ANKRD12: variants seen among roughly 807,000 people sequenced by gnomAD.
ANKRD12 encodes ankyrin repeat domain-containing protein 12.
In ANKRD12, 85 loss-of-function variants were observed where a neutral mutation model predicts 183.4. That is an observed-to-expected ratio of 0.46 (90% CI 0.39 to 0.56). The LOEUF (loss-of-function observed/expected upper bound fraction) is 0.56, where lower values mean the gene tolerates loss of function less well. Among genes scored for constraint, ANKRD12 ranks in the 20% least tolerant of loss-of-function variants. The pLI is 0.00. For synonymous variants in ANKRD12, 914 were observed against 800.2 expected (o/e 1.14, Z -2.40); for missense variants, 2,405 against 2,357.1 (o/e 1.02, Z -0.42).
At chr18:9,232,998 C>T (rs1267878487) in intron 8 of ANKRD12, among the ~76,000 whole-genome samples, 1 of 151,868 alleles carries the variant, frequency 6.6e-6, no homozygotes, top group Non-Finnish European at 1.5e-5. Flanking sequence ...TACTGGTGTG[C>T]ACCACCACGC....
At chr18:9,277,321 CTTTTTT>C (rs773999861) in intron 11 of ANKRD12, among the ~76,000 whole-genome samples, 8 of 84,652 alleles carry the variant, frequency 9.5e-5, no homozygotes, top group Admixed American at 1.4e-4. Flanking sequence ...CACCCTGTTT[CTTTTTT>C]TTTTTTTTTT....
At chr18:9,220,243 T>C (rs2036346617) in intron 7 of ANKRD12, among the ~76,000 whole-genome samples, 1 of 152,240 alleles carries the variant, frequency 6.6e-6, no homozygotes, top group Non-Finnish European at 1.5e-5. Context: ...CATTTAAGTA[T>C]TTTTTAAGGT....
At position 9,194,327 on chromosome 18, in the gene ANKRD12, TTTTATTTATTTATTTA is replaced by T. The variant is rs139857271; in HGVS notation, c.88-1193_88-1178del. Among the ~76,000 whole-genome samples the T allele has an allele frequency of 1.7e-3, 252 of 144,620 alleles. 2 individuals are homozygous for T. Among genetic ancestry groups the T allele is most frequent in the Admixed American group, 2.1e-3 (30 of 14,442 alleles). 94.9% of individuals were successfully genotyped at this position (144,620 alleles called of 152,430 possible). A position where few individuals can be genotyped will look rare whatever the true frequency, so the allele number is the denominator to read the frequency against. ...ATTTGAGAACTACTGATATAGATAA[TTTTATTTATTTATTTA>T]TTTATTTATTTATTTATTTATTTAT... is the stretch of plus-strand genomic sequence containing the variant. On this transcript the variant is annotated intron_variant, in intron 2 of 12. Transcript: ENST00000262126.
At chr18:9,266,284 T>C (rs183720480) in intron 10 of ANKRD12, among the ~76,000 whole-genome samples, 1,992 of 152,230 alleles carry the variant, frequency 0.013, 57 homozygotes, top group Admixed American at 0.065. Flanking sequence ...AGATACTCCT[T>C]GAGAAGAGCA....
rs951683801 is a variant in ANKRD12 at position 9,284,074 on chromosome 18, C to G, written c.*2948C>G. On this transcript the variant is annotated 3_prime_UTR_variant, in exon 13 of 13. Transcript: ENST00000262126. ...TATTAAGTGTGCAATAGCATTATGTCTAAAAATATGTACATAAGTTTAAAA... is the reference window on the plus strand; with the variant it reads ...TATTAAGTGTGCAATAGCATTATGTGTAAAAATATGTACATAAGTTTAAAA... 4 of 152,094 alleles carry G rather than the reference C, an allele frequency of 2.6e-5. No individual in the cohort carries two copies. The highest frequency in any genetic ancestry group is 9.7e-5 in the African/African-American group (4 of 41,394). 9.4% of individuals were successfully genotyped at this position (152,094 alleles called of 1,614,324 possible).
intron 1 of ANKRD12, among the ~76,000 whole-genome samples, chr18:9,146,428 A>G (rs765348259): frequency 1.1e-4 from 16 of 152,268 alleles, no homozygotes; most frequent in Non-Finnish European, 1.6e-4. Context: ...CACACCTGCA[A>G]TCCCATCACT....
At chr18:9,227,044 A>G (rs2036758712) in intron 8 of ANKRD12, among the ~76,000 whole-genome samples, 1 of 152,214 alleles carries the variant, frequency 6.6e-6, no homozygotes, top group Non-Finnish European at 1.5e-5. Context: ...TTGGTGTCAT[A>G]TCAGTGTAAA....
chr18:9,145,443 C>G (rs1187354196), intron 1 of ANKRD12, among the ~76,000 whole-genome samples: 1 of 152,200 alleles, frequency 6.6e-6, no homozygotes. Context: ...AATTCACACT[C>G]AGGAAACAAA....
rs773508611 is a variant in ANKRD12 at position 9,211,682 on chromosome 18, C to T, written c.550C>T (p.Arg184Cys). The change falls in exon 6 of 13, where the codon CGT (arginine) becomes TGT (cysteine). Residue 184 changes from arginine to cysteine, a missense_variant. Around this residue, in one of 7 missense-constraint regions of ANKRD12, gnomAD observed 39 missense variants for 104.8 expected, o/e 0.37. Transcript: ENST00000262126. ...QKDKVNKRNE[R>C]GETPLHMAAI... is the part of the protein sequence containing the mutation. ...AGATAAAGTTAATAAAAGAAATGAA[C>T]GTGGTGAAACTCCTTTACACATGGC... The T allele has an allele frequency of 4.3e-6, 7 of 1,613,678 alleles. No individual in the cohort carries two copies. The East Asian group carries it at 6.7e-5, about 15-fold the overall frequency.
chr18:9,255,969 A>T lies in ANKRD12; in HGVS notation c.2702A>T (p.Glu901Val). 1 of 1,573,510 alleles carries T rather than the reference A, an allele frequency of 6.4e-7. No homozygotes were observed. The highest frequency in any genetic ancestry group is 8.6e-7 in the Non-Finnish European group (1 of 1,168,362). Residue 901 changes from glutamate to valine, a missense_variant, in exon 9 of 13, where the codon GAG (glutamate) becomes GTG (valine). Around this residue, in one of 7 missense-constraint regions of ANKRD12, gnomAD observed 1,983 missense variants for 1,725.9 expected, o/e 1.15. Coordinates refer to ENST00000262126, the MANE Select transcript of ANKRD12 (RefSeq NM_015208.5). ...TAAIKKTDDR[E>V]KSREKMDRKH... ...GCTATTAAAAAAACTGACGACAGAGAGAAAAGTAGAGAAAAGATGGATAGG... is the reference window on the plus strand; with the variant it reads ...GCTATTAAAAAAACTGACGACAGAGTGAAAAGTAGAGAAAAGATGGATAGG...
At chr18:9,213,852 A>G (rs763299633) in intron 6 of ANKRD12, among the ~76,000 whole-genome samples, 2 of 151,934 alleles carry the variant, frequency 1.3e-5, no homozygotes, top group Non-Finnish European at 2.9e-5. Context: ...AAAGCCCTTA[A>G]GACATCAGGA....
At chr18:9,221,766 A>G in intron 7 of ANKRD12, 86 bp from the exon 8 acceptor site, 1 of 1,331,672 alleles carries the variant, frequency 7.5e-7, no homozygotes, top group Non-Finnish European at 1.0e-6. Flanking sequence ...AACACTCAGA[A>G]GGATACTATG....
intron 1 of ANKRD12, among the ~76,000 whole-genome samples, chr18:9,170,640 G>T (rs918284072): frequency 6.6e-6 from 1 of 151,822 alleles, no homozygotes; most frequent in Non-Finnish European, 1.5e-5. Context: ...TAACTTCTTT[G>T]CCATTGGTTT....
intron 8 of ANKRD12, among the ~76,000 whole-genome samples, chr18:9,230,498 G>T (rs898822522): frequency 2.0e-5 from 3 of 151,984 alleles, no homozygotes; most frequent in African/African-American, 7.2e-5. Flanking sequence ...CTGCTAGCAT[G>T]AGGTTTAGTT....
intron 4 of ANKRD12, among the ~76,000 whole-genome samples, chr18:9,206,860 A>C (rs1177975553): frequency 1.3e-5 from 2 of 151,486 alleles, no homozygotes; most frequent in Non-Finnish European, 3.0e-5. Context: ...TCAAAACAAA[A>C]AAGGCAGTTG....
intron 10 of ANKRD12, among the ~76,000 whole-genome samples, chr18:9,271,397 C>A (rs1311577786): frequency 2.6e-5 from 4 of 152,050 alleles, no homozygotes; most frequent in Admixed American, 2.0e-4. Context: ...TGGCGGCACA[C>A]GCGTTTAGCA....
At position 9,204,139 on chromosome 18, in the gene ANKRD12, T is replaced by TA. The variant is rs200680491; in HGVS notation, c.236-336dup. ...CAAGTTCTAAACAGAAAACCAGCGA[T>TA]AGAGTACTGGCTCTTTTACTGTTAT... On this transcript the variant is annotated intron_variant, in intron 3 of 12. Transcript: ENST00000262126. Among the ~76,000 whole-genome samples the TA allele has an allele frequency of 6.3e-3, 965 of 152,352 alleles. 7 individuals carry two copies. Among genetic ancestry groups the TA allele is most frequent in the Middle Eastern group, 0.017 (5 of 294 alleles).
chr18:9,204,363 C>T (rs2035360446), intron 3 of ANKRD12, 113 bp from the exon 4 acceptor site: 3 of 743,542 alleles, frequency 4.0e-6, no homozygotes, highest in Admixed American at 3.1e-5. Flanking sequence ...AATCTTTTGG[C>T]AAAACAATAA....
At chr18:9,231,987 T>C (rs193207672) in intron 8 of ANKRD12, among the ~76,000 whole-genome samples, 114 of 152,328 alleles carry the variant, frequency 7.5e-4, no homozygotes, top group Non-Finnish European at 1.3e-3. Flanking sequence ...GGATCATGTT[T>C]TTTTACCCAT....
Sources: gnomAD v4.1 joint callset for allele counts (sites outside exome capture counted in the v4.1 genomes callset) on GRCh38, gnomAD v4.1.1 for gene constraint, gnomAD v4.1.1 regional missense constraint, MANE v1.5 for transcripts, NCBI Gene and HGNC (gene_info 2026-07-23, HGNC 2026-07-21) for gene names.